PTPN1: variants seen among roughly 807,000 people sequenced by gnomAD.
The protein encoded by PTPN1 is tyrosine-protein phosphatase non-receptor type 1.
PTPN1 carries 12 observed loss-of-function variants against 59.9 expected under a neutral mutation model. The ratio of observed to expected loss-of-function variants is 0.20; its 90% CI spans 0.13 to 0.32. The LOEUF is 0.32. Among genes scored for constraint, PTPN1 ranks in the 10% least tolerant of loss-of-function variants. The probability of loss-of-function intolerance (pLI) is 1.00; values close to 1 mark genes in which losing one functional copy is unlikely to be tolerated. For synonymous variants in PTPN1, 178 were observed against 203.6 expected (o/e 0.87, Z 1.07); for missense variants, 356 against 549.2 (o/e 0.65, Z 3.52).
At chr20:50,516,141 A>C (rs763719166) in intron 1 of PTPN1, among the ~76,000 whole-genome samples, 1 of 151,772 alleles carries the variant, frequency 6.6e-6, no homozygotes, top group African/African-American at 2.4e-5. Flanking sequence ...GGGCCTTTGC[A>C]TGTGGTTGGT....
chr20:50,518,601 G>T (rs1417810487), intron 1 of PTPN1, among the ~76,000 whole-genome samples: 1 of 152,080 alleles, frequency 6.6e-6, no homozygotes, highest in Non-Finnish European at 1.5e-5. Flanking sequence ...TTCGGGGCAG[G>T]GAGAGAATAT....
At chr20:50,566,434 GAGA>G (rs2082779406) in intron 3 of PTPN1, among the ~76,000 whole-genome samples, 1 of 152,148 alleles carries the variant, frequency 6.6e-6, no homozygotes, top group Non-Finnish European at 1.5e-5. Context: ...CTTGGGACAT[GAGA>G]AGCTCTGTCT....
rs2082871464 is a variant in PTPN1, at chr20:50,582,042, G to A, written c.1284+582G>A. Among the ~76,000 whole-genome samples, 1 of 152,198 alleles carries A rather than the reference G, an allele frequency of 6.6e-6. No individual in the cohort carries two copies. Among genetic ancestry groups the A allele is most frequent in the Non-Finnish European group, 1.5e-5 (1 of 68,028 alleles). Reference sequence around the variant, plus strand: ...CTGTGTGCACACTGAGCCAGGACAGGGTCTTTGAGCTTTCCCACTATAAGA... The same window carrying A: ...CTGTGTGCACACTGAGCCAGGACAGAGTCTTTGAGCTTTCCCACTATAAGA... On this transcript the variant is annotated intron_variant, in intron 9 of 9. Transcript: ENST00000371621. This position sits in a 1 kb window ranked among gnomAD's most constrained non-coding sequence, Gnocchi z 4.2.
intron 5 of PTPN1, among the ~76,000 whole-genome samples, chr20:50,576,475 G>GAGC (rs1292832272): frequency 6.6e-6 from 1 of 152,212 alleles, no homozygotes; most frequent in Non-Finnish European, 1.5e-5. Flanking sequence ...TGAAAGAGGT[G>GAGC]AGCAGGTGTG....
chr20:50,568,368 G>A lies in PTPN1; in HGVS notation c.256-12G>A, dbSNP rs373273396. 65 of 1,611,070 alleles carry A rather than the reference G, an allele frequency of 4.0e-5. No individual in the cohort carries two copies. The highest frequency in any genetic ancestry group is 5.4e-5 in the Non-Finnish European group (64 of 1,177,330). ...TTCAGATGTCACATGTTGTGTTATTGTGTCTTTGCAGGGCCCTTTGCCTAA... is the reference window on the plus strand; with the variant it reads ...TTCAGATGTCACATGTTGTGTTATTATGTCTTTGCAGGGCCCTTTGCCTAA... On this transcript the variant is annotated splice_polypyrimidine_tract_variant and intron_variant, in intron 3 of 9. Coordinates refer to ENST00000371621, the MANE Select transcript of PTPN1 (RefSeq NM_002827.4). This position sits in a 1 kb window ranked among gnomAD's most constrained non-coding sequence, Gnocchi z 5.6.
intron 2 of PTPN1, 151 bp from the exon 3 acceptor site, chr20:50,564,818 C>A: frequency 1.6e-6 from 2 of 1,226,144 alleles, no homozygotes; most frequent in Non-Finnish European, 2.2e-6. Context: ...TCGCCCCATA[C>A]TGATGACTAA....
At chr20:50,549,619 A>G (rs1398860995) in intron 1 of PTPN1, among the ~76,000 whole-genome samples, 1 of 152,030 alleles carries the variant, frequency 6.6e-6, no homozygotes, top group East Asian at 1.9e-4. Context: ...CTTTCATTCA[A>G]CTATCACCAA....
chr20:50,533,991 C>T (rs1168018440), intron 1 of PTPN1, among the ~76,000 whole-genome samples: 5 of 152,246 alleles, frequency 3.3e-5, no homozygotes, highest in African/African-American at 9.6e-5. Flanking sequence ...AGTGCAATGG[C>T]GCGATCTCGG....
chr20:50,518,355 A>G (rs1342252251), intron 1 of PTPN1, among the ~76,000 whole-genome samples: 1 of 152,244 alleles, frequency 6.6e-6, no homozygotes, highest in Non-Finnish European at 1.5e-5. Context: ...AACTTCACTC[A>G]AGAGAACAAA....
intron 1 of PTPN1, among the ~76,000 whole-genome samples, chr20:50,548,944 G>C (rs537473413): frequency 1.2e-3 from 179 of 152,220 alleles, no homozygotes; most frequent in African/African-American, 4.1e-3. Flanking sequence ...TCTTGAACTT[G>C]TGACCTGAAG....
intron 1 of PTPN1, among the ~76,000 whole-genome samples, chr20:50,526,141 C>CATGT (rs1329521689): frequency 6.6e-6 from 1 of 152,088 alleles, no homozygotes; most frequent in Non-Finnish European, 1.5e-5. Context: ...TATTTGTATG[C>CATGT]ATGTATGTAT....
At chr20:50,547,438 A>C (rs1250072551) in intron 1 of PTPN1, among the ~76,000 whole-genome samples, 1 of 151,702 alleles carries the variant, frequency 6.6e-6, no homozygotes, top group Non-Finnish European at 1.5e-5. Flanking sequence ...ATCTCGGCTC[A>C]CTGCAACCTC....
chr20:50,536,577 C>G (rs1328689479), intron 1 of PTPN1, among the ~76,000 whole-genome samples: 1 of 152,230 alleles, frequency 6.6e-6, no homozygotes, highest in Non-Finnish European at 1.5e-5. Context: ...CTAAAGAACA[C>G]AGGGAAGGCG....
intron 1 of PTPN1, among the ~76,000 whole-genome samples, chr20:50,552,328 T>A (rs1022470168): frequency 2.6e-5 from 4 of 152,224 alleles, no homozygotes; most frequent in African/African-American, 9.7e-5. Context: ...TAGAGAAAGA[T>A]GAGGGATTCG....
chr20:50,535,457 C>T (rs550865781), intron 1 of PTPN1, among the ~76,000 whole-genome samples: 1 of 152,244 alleles, frequency 6.6e-6, no homozygotes, highest in Admixed American at 6.5e-5. Flanking sequence ...ATTGAATCCC[C>T]TCTTTTTTGT....
chr20:50,561,378 G>A lies in PTPN1; in HGVS notation c.79G>A (p.Ala27Thr). ...AAIYQDIRHE[A>T]SDFPCRVAKL... ...TTTTTTGTAGGATATCCGACATGAA[G>A]CCAGTGACTTCCCATGTAGAGTGGC... Residue 27 changes from alanine to threonine, a missense_variant, in exon 2 of 10, where the codon GCC (alanine) becomes ACC (threonine). Physicochemically the swap from Ala to Thr is moderately conservative, Grantham distance 58. Coordinates refer to ENST00000371621, the MANE Select transcript of PTPN1 (RefSeq NM_002827.4). 2 of 1,611,794 alleles carry A rather than the reference G, an allele frequency of 1.2e-6. No homozygotes were observed. The highest frequency in any genetic ancestry group is 1.7e-6 in the Non-Finnish European group (2 of 1,178,772).
chr20:50,561,431 T>G lies in PTPN1; in HGVS notation c.132T>G (p.Asn44Lys). ...AGCTTCCTAAGAACAAAAACCGAAA[T>G]AGGTACAGAGACGTCAGTCCCTGTA... ...VAKLPKNKNRNRYRDVSPFDH... is the reference protein window; with the variant it reads ...VAKLPKNKNRKRYRDVSPFDH... Residue 44 changes from asparagine (N) to lysine (K), a missense_variant, in exon 2 of 10, where the codon AAT becomes AAG. Coordinates refer to ENST00000371621, the MANE Select transcript of PTPN1 (RefSeq NM_002827.4). 1 of 1,611,508 alleles carries G rather than the reference T, an allele frequency of 6.2e-7. No homozygotes were observed. The highest frequency in any genetic ancestry group is 8.5e-7 in the Non-Finnish European group (1 of 1,177,836).
intron 3 of PTPN1, among the ~76,000 whole-genome samples, chr20:50,567,295 T>C (rs1287720753): frequency 6.6e-6 from 1 of 151,956 alleles, no homozygotes; most frequent in African/African-American, 2.4e-5. Context: ...GGTGTGGTAG[T>C]GTGCACCTGT....
At chr20:50,513,823 A>T (rs749316412) in intron 1 of PTPN1, among the ~76,000 whole-genome samples, 1 of 152,080 alleles carries the variant, frequency 6.6e-6, no homozygotes, top group African/African-American at 2.4e-5. Context: ...TTTAAATACT[A>T]TTTTCTTCAG....
Sources: gnomAD v4.1 joint callset for allele counts (sites outside exome capture counted in the v4.1 genomes callset) on GRCh38, gnomAD v4.1.1 for gene constraint, Gnocchi (gnomAD v3.1) non-coding constraint, MANE v1.5 for transcripts, NCBI Gene and HGNC (gene_info 2026-07-23, HGNC 2026-07-21) for gene names.